AHSG: variants seen among roughly 807,000 people sequenced by gnomAD.
AHSG encodes the protein alpha 2-HS glycoprotein.
A neutral mutation model predicts 30.1 loss-of-function variants in AHSG; 23 were observed. The observed-to-expected ratio is 0.76, with a 90% confidence interval of 0.55 to 1.08. AHSG has a LOEUF of 1.08. Ranked by LOEUF, AHSG falls within the 50% of genes least tolerant of loss-of-function variation. The pLI is 0.00. For missense variants in AHSG, 469 were observed against 459.5 expected, an observed-to-expected ratio of 1.02 and a Z score of -0.19; for synonymous variants, 164 against 186.3, an observed-to-expected ratio of 0.88 and a Z score of 0.98.
intron 2 of AHSG, 145 bp from the exon 3 acceptor site, chr3:186,616,298 C>A (rs910214236): frequency 1.7e-6 from 1 of 603,700 alleles, no homozygotes; most frequent in East Asian, 2.8e-5. Context: ...ATCGTTGTAT[C>A]CCTGAAAGCA....
rs1204732359 is a variant in AHSG at position 186,617,237 on chromosome 3, C to A, written c.460C>A (p.Pro154Thr). 5.0e-6 allele frequency: 8 copies of A among 1,613,990 alleles called. No homozygotes were observed. The East Asian group carries it at 1.1e-4, about 22-fold the overall frequency. ...GTGCCAAGACTGCCCCCTGCTGGCC[C>A]CGCTGAACGACACCAGGGTGGTGCA... ...KVCQDCPLLAPLNDTRVVHAA... is the reference protein window; with the variant it reads ...KVCQDCPLLATLNDTRVVHAA... The change falls in exon 4 of 7, where the codon CCG (proline) becomes ACG (threonine). Residue 154 changes from proline (P) to threonine (T), a missense_variant. Pro to Thr is a conservative substitution (Grantham distance 38, BLOSUM62 -1). Transcript: ENST00000411641.
At chr3:186,620,501 T>G in intron 6 of AHSG, 85 bp from the exon 7 acceptor site, 1 of 1,131,176 alleles carries the variant, frequency 8.8e-7, no homozygotes, top group Non-Finnish European at 1.3e-6. Context: ...GTGAGGAAAT[T>G]GGGTGCCAGT....
intron 6 of AHSG, 102 bp downstream of exon 6, chr3:186,620,042 C>A: frequency 3.9e-6 from 3 of 769,136 alleles, no homozygotes; most frequent in Non-Finnish European, 6.1e-6. Flanking sequence ...CTCTCCTGTG[C>A]TTCTGAATCT....
chr3:186,620,290 G>A (rs1398448639), intron 6 of AHSG, among the ~76,000 whole-genome samples: 2 of 152,104 alleles, frequency 1.3e-5, no homozygotes, highest in Non-Finnish European at 2.9e-5. Flanking sequence ...AAAGAGGGTG[G>A]CACTGCTGGG....
chr3:186,616,601 T>C, intron 3 of AHSG, 74 bp downstream of exon 3: 1 of 1,279,974 alleles, frequency 7.8e-7, no homozygotes, highest in South Asian at 1.3e-5. Flanking sequence ...AATTTTCAAC[T>C]TAAGTAGTTC....
chr3:186,613,622 A>G (rs183546649), intron 1 of AHSG, among the ~76,000 whole-genome samples: 4 of 152,316 alleles, frequency 2.6e-5, no homozygotes, highest in African/African-American at 9.6e-5. Context: ...GATCACAGAC[A>G]GAAAGTGTAA....
rs188731324 is a variant in AHSG at position 186,620,877 on chromosome 3, G to C, written c.1051G>C (p.Ala351Pro). Residue 351 changes from alanine to proline, a missense_variant, in exon 7 of 7, where the codon GCT becomes CCT. Ala to Pro is a conservative substitution (Grantham distance 27). Coordinates refer to ENST00000411641, the MANE Select transcript of AHSG (RefSeq NM_001622.4). ...TVVQPSVGAA[A>P]GPVVPPCPGR... ...GGTGCAGCCTAGTGTTGGTGCTGCT[G>C]CTGGGCCAGTGGTTCCTCCATGTCC... is the stretch of plus-strand genomic sequence containing the variant. 60 of 1,614,150 alleles carry C rather than the reference G, an allele frequency of 3.7e-5. No individual in the cohort carries two copies. In the African/African-American group the frequency reaches 7.1e-4, roughly 19 times the overall value.
rs753939665 is a variant in AHSG, at chr3:186,617,194, C to T, written c.417C>T (p.Ala139=). ...YAKCDSSPDS[A]EDVRKVCQDC... ...TTTCCTCTCTCCGAGCAGACTCAGC[C>T]GAGGACGTGCGCAAGGTGTGCCAAG... The change falls in exon 4 of 7, where the codon GCC becomes GCT. Residue 139 remains alanine (A), a synonymous_variant. Coordinates refer to ENST00000411641, the MANE Select transcript of AHSG (RefSeq NM_001622.4). The T allele has an allele frequency of 1.2e-6, 2 of 1,611,076 alleles. No individual in the cohort carries two copies. The highest frequency in any genetic ancestry group is 1.1e-5 in the South Asian group (1 of 90,814).
In AHSG at chr3:186,617,223, G is replaced by GC. The variant is rs1560249913; in HGVS notation, c.451dup (p.Leu151ProfsTer57). The GC allele has an allele frequency of 6.2e-7, 1 of 1,613,876 alleles. No homozygotes were observed. The highest frequency in any genetic ancestry group is 8.5e-7 in the Non-Finnish European group (1 of 1,180,002). ...GACGTGCGCAAGGTGTGCCAAGACT[G>GC]CCCCCTGCTGGCCCCGCTGAACGAC... On this transcript the variant is annotated frameshift_variant, in exon 4 of 7. Coordinates refer to ENST00000411641, the MANE Select transcript of AHSG (RefSeq NM_001622.4). LOFTEE classifies it high-confidence loss of function.
chr3:186,613,187 TG>T lies in AHSG; in HGVS notation c.47del (p.Cys16SerfsTer10). On this transcript the variant is annotated frameshift_variant, in exon 1 of 7. Coordinates refer to ENST00000411641, the MANE Select transcript of AHSG (RefSeq NM_001622.4). LOFTEE classifies it high-confidence loss of function. Reference sequence around the variant, plus strand: ...CCTTTGTCTTGCTCAGCTCTGGGGCTGCCACTCAGCCCCACATGGCCCAGGG... The same window carrying T: ...CCTTTGTCTTGCTCAGCTCTGGGGCTCCACTCAGCCCCACATGGCCCAGGG... The part of the protein sequence containing the change: ...LLLCLAQLWG[C>X]HSAPHGPGLI... 1 of 1,614,126 alleles carries T rather than the reference TG, an allele frequency of 6.2e-7. No individual in the cohort carries two copies. Among genetic ancestry groups the T allele is most frequent in the Non-Finnish European group, 8.5e-7 (1 of 1,180,000 alleles).
chr3:186,617,542 A>G (rs1248938765), intron 4 of AHSG, 192 bp downstream of exon 4: 2 of 1,075,524 alleles, frequency 1.9e-6, no homozygotes, highest in East Asian at 2.6e-5. Flanking sequence ...GAGGACCCCA[A>G]CACCCTCAGC....
chr3:186,618,698 A>G (rs1198795978), intron 5 of AHSG, 61 bp downstream of exon 5: 5 of 1,583,018 alleles, frequency 3.2e-6, no homozygotes, highest in Non-Finnish European at 4.3e-6. Context: ...GGAACAGAAC[A>G]TCCTTGGATA....
chr3:186,618,489 A>G, intron 4 of AHSG, 47 bp from the exon 5 acceptor site: 2 of 1,599,200 alleles, frequency 1.3e-6, no homozygotes, highest in Non-Finnish European at 1.7e-6. Flanking sequence ...TGCCCTTTTC[A>G]TTGTAAGTCA....
At chr3:186,620,485 T>G in intron 6 of AHSG, 101 bp from the exon 7 acceptor site, 1 of 983,874 alleles carries the variant, frequency 1.0e-6, no homozygotes, top group Non-Finnish European at 1.5e-6. Flanking sequence ...AATAAAAATG[T>G]ATAATGTGAG....
At chr3:186,617,654 CTGGTAGAGT>C (rs1716351971) in intron 4 of AHSG, 1 of 466,080 alleles carries the variant, frequency 2.1e-6, no homozygotes, top group African/African-American at 2.0e-5. Context: ...TCAGTGTCAG[CTGGTAGAGT>C]TGCCCACGTC....
rs201869594 is a variant in AHSG, at chr3:186,615,645, G to C, written c.214-40G>C. ...ACCGTGGACCGCACCACAGGATCAG[G>C]GGAATAGGTTGCTCACGGCTTCACT... is the stretch of plus-strand genomic sequence containing the variant. On this transcript the variant is annotated intron_variant, in intron 1 of 6. Transcript: ENST00000411641. 838 of 1,550,636 alleles carry C rather than the reference G, an allele frequency of 5.4e-4. 2 individuals are homozygous for C. Among genetic ancestry groups the C allele is most frequent in the Non-Finnish European group, 6.8e-4 (764 of 1,122,152 alleles).
chr3:186,618,294 C>T (rs904464672), intron 4 of AHSG, among the ~76,000 whole-genome samples: 4 of 152,134 alleles, frequency 2.6e-5, no homozygotes, highest in Non-Finnish European at 4.4e-5. Context: ...CCTGAAGGAC[C>T]GGTGATGGAT....
In AHSG at chr3:186,620,643, G is replaced by A. The variant is rs201633237; in HGVS notation, c.817G>A (p.Val273Met). The change falls in exon 7 of 7, where the codon GTG (valine) becomes ATG (methionine). Residue 273 changes from valine (V) to methionine (M), a missense_variant. Transcript: ENST00000411641. ...GANEAVPTPV[V>M]DPDAPPSPPL... ...CAATGAAGCAGTCCCCACACCCGTG[G>A]TGGACCCAGATGCACCTCCGTCCCC... is the stretch of plus-strand genomic sequence containing the variant. The A allele has an allele frequency of 3.5e-5, 57 of 1,613,622 alleles. No homozygotes were observed. Among genetic ancestry groups the A allele is most frequent in the Non-Finnish European group, 4.6e-5 (54 of 1,179,750 alleles).
chr3:186,615,390 C>T (rs889181527), intron 1 of AHSG, among the ~76,000 whole-genome samples: 1 of 152,106 alleles, frequency 6.6e-6, no homozygotes, highest in Non-Finnish European at 1.5e-5. Flanking sequence ...TCAAATAGAG[C>T]TCAGAGTGAG....
Sources: allele counts gnomAD v4.1 joint callset (sites outside exome capture counted in the v4.1 genomes callset), GRCh38; gene constraint gnomAD v4.1.1; transcripts MANE v1.5; gene names NCBI Gene and HGNC (gene_info 2026-07-23, HGNC 2026-07-21).